SYNE3: variants seen among roughly 807,000 people sequenced by gnomAD.
SYNE3 encodes the protein spectrin repeat containing nuclear envelope family member 3.
Under a neutral mutation model 111.2 loss-of-function variants are expected in SYNE3, and 100 were observed. The ratio of observed to expected loss-of-function variants is 0.90; its 90% CI spans 0.77 to 1.06. SYNE3 has a LOEUF of 1.06. SYNE3 is among the 50% of genes least tolerant of loss of function. SYNE3 has a pLI of 0.00. For missense variants in SYNE3, 1,160 were observed against 1,240.3 expected (o/e 0.94, Z 0.97); for synonymous variants, 547 against 533.9 (o/e 1.02, Z -0.34).
At chr14:95,451,247 G>C (rs1489563721) in intron 7 of SYNE3, 1 of 152,224 alleles carries the variant, frequency 6.6e-6, no homozygotes, top group Non-Finnish European at 1.5e-5. Flanking sequence ...TACAAGCCTT[G>C]AAGATAAATT....
At chr14:95,480,857 C>G (rs958955012) in intron 1 of SYNE3, among the ~76,000 whole-genome samples, 5 of 152,242 alleles carry the variant, frequency 3.3e-5, no homozygotes, top group Admixed American at 3.3e-4. Flanking sequence ...AAAGCCACCC[C>G]GTTTGGGCCT....
intron 17 of SYNE3, among the ~76,000 whole-genome samples, chr14:95,426,073 T>A (rs1287313692): frequency 1.3e-5 from 2 of 152,070 alleles, no homozygotes; most frequent in East Asian, 3.9e-4. Context: ...GGAAGGTGAG[T>A]GACAGAAAGA....
At chr14:95,458,410 G>A (rs905913700) in intron 4 of SYNE3, among the ~76,000 whole-genome samples, 13 of 152,318 alleles carry the variant, frequency 8.5e-5, no homozygotes, top group African/African-American at 2.9e-4. Context: ...CTGCCTCATT[G>A]GGAGAAAGTG....
intron 1 of SYNE3, among the ~76,000 whole-genome samples, chr14:95,480,656 A>G (rs1889184523): frequency 6.6e-6 from 1 of 152,172 alleles, no homozygotes; most frequent in Non-Finnish European, 1.5e-5. Context: ...AAAATGGGAC[A>G]CCTTAATTTG....
intron 4 of SYNE3, among the ~76,000 whole-genome samples, chr14:95,464,321 G>C (rs954548018): frequency 6.6e-6 from 1 of 152,166 alleles, no homozygotes; most frequent in African/African-American, 2.4e-5. Context: ...TGAAGTCTTA[G>C]TTACTAGAAG....
chr14:95,461,710 C>G (rs765878980), intron 4 of SYNE3, among the ~76,000 whole-genome samples: 7 of 152,270 alleles, frequency 4.6e-5, no homozygotes, highest in Admixed American at 4.6e-4. Flanking sequence ...ACCAATCCCA[C>G]CCCGAGGCCA....
intron 1 of SYNE3, among the ~76,000 whole-genome samples, chr14:95,494,650 AC>A (rs1890005162): frequency 6.6e-6 from 1 of 152,218 alleles, no homozygotes; most frequent in Non-Finnish European, 1.5e-5. Context: ...CTACTCAGTG[AC>A]AGGACCCACA....
At chr14:95,439,865 C>T in intron 12 of SYNE3, 49 bp downstream of exon 12, 2 of 1,593,752 alleles carry the variant, frequency 1.3e-6, no homozygotes, top group Non-Finnish European at 8.6e-7. Flanking sequence ...GAACGTTGGC[C>T]TGTCAAGGCT....
At chr14:95,424,507 A>G (rs1295588869) in intron 17 of SYNE3, among the ~76,000 whole-genome samples, 1 of 152,220 alleles carries the variant, frequency 6.6e-6, no homozygotes, top group African/African-American at 2.4e-5. Flanking sequence ...TCACTTATCC[A>G]TTACAAAAGC....
intron 1 of SYNE3, among the ~76,000 whole-genome samples, chr14:95,515,113 C>T (rs939592151): frequency 1.4e-4 from 22 of 152,222 alleles, no homozygotes; most frequent in African/African-American, 5.1e-4. Context: ...CATCCTCAGG[C>T]CTTCTTCTCA....
In SYNE3 at chr14:95,470,137, C is replaced by G. The variant is rs147204411; in HGVS notation, c.145-2170G>C. 4.3e-4 allele frequency among the ~76,000 whole-genome samples: 65 copies of G among 152,244 alleles called. No individual in the cohort carries two copies. The highest frequency in any genetic ancestry group is 3.4e-3 in the Middle Eastern group (1 of 294). Reference sequence around the variant, plus strand: ...AAGTACCCACACAGGGACCCCGAGTCCCTCTCAGCAGCGAGCAGTGATGGG... The same window carrying G: ...AAGTACCCACACAGGGACCCCGAGTGCCTCTCAGCAGCGAGCAGTGATGGG... On this transcript the variant is annotated intron_variant, in intron 2 of 17. Coordinates refer to ENST00000682763, the MANE Select transcript of SYNE3 (RefSeq NM_152592.6). This position sits in a 1 kb window ranked among gnomAD's most constrained non-coding sequence, Gnocchi z 4.2.
intron 4 of SYNE3, among the ~76,000 whole-genome samples, chr14:95,464,538 C>T (rs1480138909): frequency 6.6e-6 from 1 of 152,204 alleles, no homozygotes; most frequent in African/African-American, 2.4e-5. Context: ...ACAAAAAAAA[C>T]CAATCACCCT....
intron 1 of SYNE3, among the ~76,000 whole-genome samples, chr14:95,503,568 T>C (rs1890417678): frequency 6.6e-6 from 1 of 150,886 alleles, no homozygotes; most frequent in Non-Finnish European, 1.5e-5. Flanking sequence ...TAGGTTCTAT[T>C]TTAAACAGTA....
Position 95,500,005 on chromosome 14 carries a change from A to G in SYNE3, c.-15+16591T>C, listed in dbSNP as rs1323866589. On this transcript the variant is annotated intron_variant, in intron 1 of 17. Coordinates refer to ENST00000682763, the MANE Select transcript of SYNE3 (RefSeq NM_152592.6). The surrounding 1 kb of genome is among the most constrained non-coding windows in gnomAD (Gnocchi z 4.7). ...CTCCAGAATAGCTGGGACTACAGGC[A>G]CCTGCCACCACACCCGACTAATTTT... is the stretch of plus-strand genomic sequence containing the variant. 6.6e-6 allele frequency among the ~76,000 whole-genome samples: 1 copy of G among 151,842 alleles called. No individual in the cohort carries two copies.
At chr14:95,494,298 G>A (rs1165344644) in intron 1 of SYNE3, among the ~76,000 whole-genome samples, 1 of 152,202 alleles carries the variant, frequency 6.6e-6, no homozygotes, top group Non-Finnish European at 1.5e-5. Context: ...CTAGAGAAAG[G>A]AGCAATGATT....
At chr14:95,493,244 G>A (rs1481627343) in intron 1 of SYNE3, among the ~76,000 whole-genome samples, 1 of 152,176 alleles carries the variant, frequency 6.6e-6, no homozygotes, top group Admixed American at 6.5e-5. Flanking sequence ...TCCATTTACT[G>A]AGCAGGTATT....
intron 4 of SYNE3, among the ~76,000 whole-genome samples, chr14:95,461,436 A>C (rs1595219105): frequency 6.6e-6 from 1 of 152,198 alleles, no homozygotes; most frequent in Non-Finnish European, 1.5e-5. Context: ...GCGGGCTGAC[A>C]ATGTGCCATT....
intron 1 of SYNE3, among the ~76,000 whole-genome samples, chr14:95,487,940 C>T (rs1416324747): frequency 2.6e-5 from 4 of 152,072 alleles, no homozygotes; most frequent in African/African-American, 9.7e-5. Context: ...TCCTCCTCAG[C>T]CTACTCAACA....
intron 1 of SYNE3, among the ~76,000 whole-genome samples, chr14:95,505,177 G>A (rs1187650380): frequency 6.6e-6 from 1 of 152,250 alleles, no homozygotes. Flanking sequence ...GGGTCCTAAC[G>A]TTGCATTCGC....
Sources: gnomAD v4.1 joint callset for allele counts (sites outside exome capture counted in the v4.1 genomes callset) on GRCh38, gnomAD v4.1.1 for gene constraint, Gnocchi (gnomAD v3.1) non-coding constraint, MANE v1.5 for transcripts, NCBI Gene and HGNC (gene_info 2026-07-23, HGNC 2026-07-21) for gene names.